GLI2: variants seen among roughly 807,000 people sequenced by gnomAD.
GLI2 encodes the protein GLI family zinc finger 2.
Under a neutral mutation model 78.9 loss-of-function variants are expected in GLI2, and 22 were observed. The observed-to-expected ratio is 0.28, with a 90% CI of 0.20 to 0.40. The LOEUF (loss-of-function observed/expected upper bound fraction) is 0.40, where lower values mean the gene tolerates loss of function less well. Among genes scored for constraint, GLI2 ranks in the 10% least tolerant of loss-of-function variants. The pLI is 1.00. For synonymous variants in GLI2, 974 were observed against 963.7 expected (o/e 1.01, Z -0.20); for missense variants, 2,097 against 2,213.2 (o/e 0.95, Z 1.05).
At chr2:120,923,960 A>G (rs548183270) in intron 2 of GLI2, among the ~76,000 whole-genome samples, 2 of 152,306 alleles carry the variant, frequency 1.3e-5, no homozygotes, top group African/African-American at 4.8e-5. Context: ...TGAAGCTCAC[A>G]ATGTTCCATA....
intron 2 of GLI2, among the ~76,000 whole-genome samples, chr2:120,834,522 G>C (rs563657549): frequency 1.3e-5 from 2 of 152,150 alleles, no homozygotes; most frequent in Non-Finnish European, 2.9e-5. Context: ...ACACAAAAAG[G>C]CTCACTCCTG....
chr2:120,828,615 G>T (rs1197778948), intron 2 of GLI2, among the ~76,000 whole-genome samples: 2 of 152,108 alleles, frequency 1.3e-5, no homozygotes, highest in Non-Finnish European at 2.9e-5. Context: ...AATCTGCCCT[G>T]CCCCGTTTCT....
chr2:120,822,164 G>A (rs180870965), intron 2 of GLI2, among the ~76,000 whole-genome samples: 12 of 152,346 alleles, frequency 7.9e-5, no homozygotes, highest in Admixed American at 2.6e-4. Flanking sequence ...GCATCCTTTC[G>A]GGTGCAAGGA....
intron 2 of GLI2, among the ~76,000 whole-genome samples, chr2:120,876,093 G>C (rs528469179): frequency 3.4e-4 from 52 of 152,320 alleles, no homozygotes; most frequent in African/African-American, 1.1e-3. Flanking sequence ...TGTAATCCCA[G>C]CACTTTGGGA....
intron 3 of GLI2, among the ~76,000 whole-genome samples, chr2:120,947,471 CT>C (rs1324357669): frequency 9.8e-5 from 15 of 152,340 alleles, no homozygotes; most frequent in Non-Finnish European, 1.3e-4. Context: ...TGTGATCTCA[CT>C]GGCCCTGTGC....
At chr2:120,912,273 G>GTTTT (rs1678860360) in intron 2 of GLI2, among the ~76,000 whole-genome samples, 1 of 133,848 alleles carries the variant, frequency 7.5e-6, no homozygotes, top group African/African-American at 3.8e-5. Context: ...TTTTGCAAGA[G>GTTTT]GTTTTTTTTT....
Position 120,986,496 on chromosome 2 carries a change from C to T in GLI2, c.2124C>T (p.Thr708=). The T allele has an allele frequency of 1.2e-6, 2 of 1,614,126 alleles. No homozygotes were observed. ...TCCAGCTGCGCAAACACATGACCAC[C>T]ATGCACCGGTTCGAGCAGCTCAAGA... ...GGLQLRKHMT[T]MHRFEQLKKE... Residue 708 remains threonine, a synonymous_variant, in exon 13 of 14, where the codon ACC becomes ACT. Coordinates refer to ENST00000361492, the MANE Select transcript of GLI2 (RefSeq NM_001374353.1).
At chr2:120,792,080 T>C (rs773047023) in intron 1 of GLI2, among the ~76,000 whole-genome samples, 8 of 152,136 alleles carry the variant, frequency 5.3e-5, no homozygotes, top group Non-Finnish European at 1.2e-4. Context: ...TGGAGATTGA[T>C]TTTGCCTGGG....
At chr2:120,784,142 A>T (rs1161374962) in intron 1 of GLI2, among the ~76,000 whole-genome samples, 3 of 152,214 alleles carry the variant, frequency 2.0e-5, no homozygotes, top group Admixed American at 2.0e-4. Flanking sequence ...CACTCATGGC[A>T]TGCTTACTGG....
rs557245965 is a variant in GLI2 at position 120,812,445 on chromosome 2, C to T, written c.148+14977C>T. On this transcript the variant is annotated intron_variant, in intron 2 of 13. Coordinates refer to ENST00000361492, the MANE Select transcript of GLI2 (RefSeq NM_001374353.1). ...ATGATGAGGACTTCCCTCCTAGGGCCGTGGTCAGGGCTGAAGCTGAGACGC... is the reference window on the plus strand; with the variant it reads ...ATGATGAGGACTTCCCTCCTAGGGCTGTGGTCAGGGCTGAAGCTGAGACGC... Among the ~76,000 whole-genome samples the T allele has an allele frequency of 9.9e-5, 15 of 152,260 alleles. No homozygotes were observed. In the South Asian group the frequency reaches 1.0e-3, roughly 11 times the overall value.
At position 120,978,502 on chromosome 2, in the gene GLI2, G is replaced by A. The variant is rs2105050927; in HGVS notation, c.1386G>A (p.Arg462=). The A allele has an allele frequency of 6.2e-7, 1 of 1,614,166 alleles. No individual in the cohort carries two copies. ...EFVCRWQACT[R]EQKPFKAQYM... Reference sequence around the variant, plus strand: ...TGTGCCGCTGGCAGGCCTGCACGCGGGAGCAGAAGCCCTTCAAGGCGCAGT... The same window carrying A: ...TGTGCCGCTGGCAGGCCTGCACGCGAGAGCAGAAGCCCTTCAAGGCGCAGT... The change falls in exon 10 of 14, where the codon CGG becomes CGA. Residue 462 remains arginine, a synonymous_variant. Coordinates refer to ENST00000361492, the MANE Select transcript of GLI2 (RefSeq NM_001374353.1).
chr2:120,927,977 G>T (rs1429623387), intron 3 of GLI2, among the ~76,000 whole-genome samples: 1 of 152,186 alleles, frequency 6.6e-6, no homozygotes, highest in Non-Finnish European at 1.5e-5. Flanking sequence ...AAGGTGTGGG[G>T]TCACCCTGTG....
chr2:120,829,087 C>A (rs1402625301), intron 2 of GLI2, among the ~76,000 whole-genome samples: 1 of 91,388 alleles, frequency 1.1e-5, no homozygotes, highest in East Asian at 3.5e-4. Context: ...CACACAGGGA[C>A]AGCCACGCAC....
intron 2 of GLI2, among the ~76,000 whole-genome samples, chr2:120,815,240 G>A (rs939776778): frequency 1.3e-5 from 2 of 152,176 alleles, no homozygotes; most frequent in Admixed American, 1.3e-4. Context: ...GTATTAAGGG[G>A]TCTCTGCAGA....
intron 1 of GLI2, among the ~76,000 whole-genome samples, chr2:120,788,066 T>C (rs1253949999): frequency 6.6e-6 from 1 of 152,136 alleles, no homozygotes; most frequent in Non-Finnish European, 1.5e-5. Flanking sequence ...AGGCCAGGCC[T>C]GTGTGTGCCA....
intron 2 of GLI2, among the ~76,000 whole-genome samples, chr2:120,834,707 C>T (rs1686523000): frequency 6.6e-6 from 1 of 152,152 alleles, no homozygotes; most frequent in African/African-American, 2.4e-5. Flanking sequence ...TGTTCACAGA[C>T]CTTTTCCTGG....
chr2:120,934,144 C>T (rs926951014), intron 3 of GLI2, among the ~76,000 whole-genome samples: 25 of 152,200 alleles, frequency 1.6e-4, no homozygotes, highest in Admixed American at 9.8e-4. Context: ...GCTTGCTTGA[C>T]GTCCGGGAAA....
rs1371797656 is a variant in GLI2, at chr2:120,783,667, G to T, written c.-30-13624G>T. On this transcript the variant is annotated intron_variant, in intron 1 of 13. Coordinates refer to ENST00000361492, the MANE Select transcript of GLI2 (RefSeq NM_001374353.1). ...CATTTTCCTTTTATCAGTAGGGTGT[G>T]TCCTTAGCGGTAACAGCCAGGGACA... 2.0e-5 allele frequency among the ~76,000 whole-genome samples: 3 copies of T among 152,192 alleles called. No homozygotes were observed. In the East Asian group the frequency reaches 5.8e-4, roughly 30 times the overall value.
At chr2:120,808,739 T>C (rs1469781361) in intron 2 of GLI2, among the ~76,000 whole-genome samples, 1 of 152,092 alleles carries the variant, frequency 6.6e-6, no homozygotes, top group East Asian at 1.9e-4. Context: ...ACCCTTGCCT[T>C]GTCTGTCTGT....
Sources: allele counts gnomAD v4.1 joint callset (sites outside exome capture counted in the v4.1 genomes callset), GRCh38; gene constraint gnomAD v4.1.1; transcripts MANE v1.5; gene names NCBI Gene and HGNC (gene_info 2026-07-23, HGNC 2026-07-21).